RBMS3: variants seen among roughly 807,000 people sequenced by gnomAD.
RBMS3 encodes RNA binding motif single stranded interacting protein 3, also known as RNA-binding motif, single-stranded-interacting protein 3.
RBMS3 carries 27 observed loss-of-function variants against 66.8 expected under a neutral mutation model. That is an observed-to-expected ratio of 0.40 (90% CI 0.30 to 0.56). The LOEUF (loss-of-function observed/expected upper bound fraction) is 0.56, where lower values mean the gene tolerates loss of function less well. Ranked by LOEUF, RBMS3 falls within the 20% of genes least tolerant of loss-of-function variation. The pLI is 0.40. For synonymous variants in RBMS3, 188 were observed against 183.0 expected, an observed-to-expected ratio of 1.03 and a Z score of -0.22; for missense variants, 513 against 549.5, an observed-to-expected ratio of 0.93 and a Z score of 0.66.
chr3:29,908,104 A>T (rs2060427305), intron 10 of RBMS3, among the ~76,000 whole-genome samples: 1 of 152,038 alleles, frequency 6.6e-6, no homozygotes, highest in Admixed American at 6.6e-5. Context: ...CAAAAAAATT[A>T]GCCAGGCATG....
chr3:29,402,967 T>C (rs551506287), intron 1 of RBMS3, among the ~76,000 whole-genome samples: 1 of 152,002 alleles, frequency 6.6e-6, no homozygotes, highest in South Asian at 2.1e-4. Context: ...TATACTTTAC[T>C]TACTGAGCAC....
intron 3 of RBMS3, among the ~76,000 whole-genome samples, chr3:29,527,096 C>T (rs891002903): frequency 1.4e-5 from 2 of 142,304 alleles, no homozygotes; most frequent in East Asian, 4.2e-4. Context: ...TATTTAAAAG[C>T]GTTCTCTTGG....
chr3:29,517,469 C>G (rs1429071530), intron 3 of RBMS3, among the ~76,000 whole-genome samples: 2 of 152,004 alleles, frequency 1.3e-5, no homozygotes, highest in East Asian at 3.9e-4. Flanking sequence ...ACTACAGGTG[C>G]CTGCCACCAC....
rs575641830 is a variant in RBMS3, at chr3:29,544,828, A to G, written c.308-42286A>G. On this transcript the variant is annotated intron_variant, in intron 3 of 14. Transcript: ENST00000383767. ...TGTATTCCAATAAAATTTTGTTTAC[A>G]AAACAGATAACAGATGGGATTTGGC... 1.4e-3 allele frequency among the ~76,000 whole-genome samples: 212 copies of G among 152,286 alleles called. 1 individual carries two copies. The highest frequency in any genetic ancestry group is 4.9e-3 in the African/African-American group (202 of 41,576).
chr3:29,431,953 C>T (rs1376020542), intron 1 of RBMS3, among the ~76,000 whole-genome samples: 1 of 152,006 alleles, frequency 6.6e-6, no homozygotes, highest in East Asian at 1.9e-4. Flanking sequence ...GTCTCGAGCT[C>T]CTGGGCTCAA....
At chr3:29,653,871 T>C (rs1474676802) in intron 4 of RBMS3, among the ~76,000 whole-genome samples, 1 of 152,176 alleles carries the variant, frequency 6.6e-6, no homozygotes, top group Non-Finnish European at 1.5e-5. Flanking sequence ...ATGTTTTCCA[T>C]GGAGCAGAAA....
At chr3:29,877,717 A>G (rs2059640601) in intron 7 of RBMS3, among the ~76,000 whole-genome samples, 1 of 152,110 alleles carries the variant, frequency 6.6e-6, no homozygotes, top group Non-Finnish European at 1.5e-5. Context: ...GAAACAAACC[A>G]TTCAGTAGTC....
intron 12 of RBMS3, among the ~76,000 whole-genome samples, chr3:29,965,853 A>G (rs1696805256): frequency 6.6e-6 from 1 of 152,110 alleles, no homozygotes; most frequent in South Asian, 2.1e-4. Flanking sequence ...GAATTTTTAT[A>G]ATTTCAGGTC....
intron 8 of RBMS3, among the ~76,000 whole-genome samples, chr3:29,893,643 T>G (rs1214870855): frequency 1.3e-5 from 2 of 151,538 alleles, no homozygotes; most frequent in African/African-American, 4.8e-5. Context: ...ATATAAGACC[T>G]AGAAGGAATT....
At chr3:29,670,550 C>A (rs1466066877) in intron 4 of RBMS3, among the ~76,000 whole-genome samples, 1 of 152,176 alleles carries the variant, frequency 6.6e-6, no homozygotes, top group Admixed American at 6.5e-5. Flanking sequence ...ACACTCCCAC[C>A]CTAATACTGT....
chr3:29,513,436 T>G (rs754961070), intron 3 of RBMS3, among the ~76,000 whole-genome samples: 11 of 152,108 alleles, frequency 7.2e-5, no homozygotes, highest in Non-Finnish European at 1.3e-4. Context: ...GATGAACCAT[T>G]CCAACTGGCC....
chr3:29,440,233 C>G (rs2041566037), intron 2 of RBMS3, among the ~76,000 whole-genome samples: 1 of 152,136 alleles, frequency 6.6e-6, no homozygotes. Context: ...TTTTCCACAT[C>G]TACAACATAT....
chr3:29,533,763 C>A (rs536979858), intron 3 of RBMS3, among the ~76,000 whole-genome samples: 2 of 151,882 alleles, frequency 1.3e-5, no homozygotes, highest in Non-Finnish European at 2.9e-5. Flanking sequence ...GGCAACAGAG[C>A]GAGGCTCCGT....
Position 29,562,647 on chromosome 3 carries a change from T to C in RBMS3, c.308-24467T>C, listed in dbSNP as rs79834512. 5.2e-4 allele frequency among the ~76,000 whole-genome samples: 79 copies of C among 152,358 alleles called. 1 individual carries two copies. Among genetic ancestry groups the C allele is most frequent in the South Asian group, 4.1e-4 (2 of 4,830 alleles). ...CTTGGTTATCAAGTTCCAAATATACTGTTAGACCTTTTGAGGATCTATCTT... is the reference window on the plus strand; with the variant it reads ...CTTGGTTATCAAGTTCCAAATATACCGTTAGACCTTTTGAGGATCTATCTT... On this transcript the variant is annotated intron_variant, in intron 3 of 14. Coordinates refer to ENST00000383767, the MANE Select transcript of RBMS3 (RefSeq NM_001003793.3).
chr3:29,382,986 A>G (rs953289595), intron 1 of RBMS3, among the ~76,000 whole-genome samples: 22 of 152,342 alleles, frequency 1.4e-4, no homozygotes, highest in African/African-American at 5.3e-4. Flanking sequence ...AGCAAATGAG[A>G]AAACCTGTTC....
chr3:29,766,300 T>C (rs1298482207), intron 6 of RBMS3: 2 of 151,858 alleles, frequency 1.3e-5, no homozygotes, highest in Non-Finnish European at 2.9e-5. Context: ...AGTTTCCAAG[T>C]CCCCTACTAT....
chr3:29,453,580 T>C (rs2042081458), intron 2 of RBMS3, among the ~76,000 whole-genome samples: 1 of 152,160 alleles, frequency 6.6e-6, no homozygotes. Context: ...TCCAGCCTCA[T>C]GGTGGGCTTT....
intron 1 of RBMS3, among the ~76,000 whole-genome samples, chr3:29,310,149 A>G (rs2034284741): frequency 6.6e-6 from 1 of 151,740 alleles, no homozygotes; most frequent in Admixed American, 6.6e-5. Context: ...TTGGCCTTAG[A>G]AAACCTAATC....
intron 12 of RBMS3, among the ~76,000 whole-genome samples, chr3:29,944,627 T>TA (rs370321335): frequency 4.0e-5 from 6 of 151,650 alleles, no homozygotes; most frequent in African/African-American, 1.2e-4. Flanking sequence ...CACAGATTAA[T>TA]AAAAAATAGT....
Sources: allele counts gnomAD v4.1 joint callset (sites outside exome capture counted in the v4.1 genomes callset), GRCh38; gene constraint gnomAD v4.1.1; transcripts MANE v1.5; gene names NCBI Gene and HGNC (gene_info 2026-07-23, HGNC 2026-07-21).